The following SYK variants were observed in gnomAD, a reference collection of about 807,000 sequenced individuals.
The protein encoded by SYK is tyrosine-protein kinase SYK.
Under a neutral mutation model 77.8 loss-of-function variants are expected in SYK, and 16 were observed. The ratio of observed to expected loss-of-function variants is 0.21; its 90% confidence interval spans 0.14 to 0.31. The LOEUF (loss-of-function observed/expected upper bound fraction) is 0.31, where lower values mean the gene tolerates loss of function less well. Among genes scored for constraint, SYK ranks in the 10% least tolerant of loss-of-function variants. SYK has a pLI of 1.00. For synonymous variants in SYK, 312 were observed against 308.7 expected (o/e 1.01, Z -0.11); for missense variants, 529 against 814.4 (o/e 0.65, Z 4.26).
chr9:90,867,595 T>C (rs1234394552), intron 7 of SYK, among the ~76,000 whole-genome samples: 4 of 152,224 alleles, frequency 2.6e-5, no homozygotes, highest in Non-Finnish European at 4.4e-5. Flanking sequence ...GTAAGTTACG[T>C]TGTGATGGAG....
chr9:90,853,941 A>G (rs1319489946), intron 3 of SYK, among the ~76,000 whole-genome samples: 1 of 152,230 alleles, frequency 6.6e-6, no homozygotes, highest in Non-Finnish European at 1.5e-5. Context: ...ACGGGGTAGC[A>G]TGGGTATGGT....
At chr9:90,863,830 A>G (rs567543779) in intron 4 of SYK, among the ~76,000 whole-genome samples, 1 of 152,294 alleles carries the variant, frequency 6.6e-6, no homozygotes, top group African/African-American at 2.4e-5. Flanking sequence ...CTGAAAGGGC[A>G]TTTTATGTGT....
chr9:90,880,425 A>G (rs1221782813), intron 11 of SYK, among the ~76,000 whole-genome samples: 1 of 152,194 alleles, frequency 6.6e-6, no homozygotes, highest in Non-Finnish European at 1.5e-5. Flanking sequence ...TCAGAGGTGA[A>G]CCACTGTGAG....
intron 11 of SYK, among the ~76,000 whole-genome samples, chr9:90,887,465 G>A (rs1828622857): frequency 6.8e-6 from 1 of 146,216 alleles, no homozygotes; most frequent in Admixed American, 7.0e-5. Context: ...CAGTGCAGTG[G>A]TGTGATCTGA....
chr9:90,823,598 T>G (rs1825585175), intron 1 of SYK, among the ~76,000 whole-genome samples: 1 of 152,188 alleles, frequency 6.6e-6, no homozygotes, highest in South Asian at 2.1e-4. Context: ...ATGGAGGTTT[T>G]GGGAAATTTC....
chr9:90,837,319 G>A (rs116835946), intron 1 of SYK, among the ~76,000 whole-genome samples: 2 of 152,218 alleles, frequency 1.3e-5, no homozygotes, highest in African/African-American at 4.8e-5. Flanking sequence ...GACCTTTGGG[G>A]CTCACATTTT....
intron 1 of SYK, among the ~76,000 whole-genome samples, chr9:90,837,132 AG>A (rs1475243183): frequency 6.6e-6 from 1 of 152,126 alleles, no homozygotes; most frequent in East Asian, 1.9e-4. Context: ...GGGAGTCAAA[AG>A]TTACACATGA....
At chr9:90,851,078 CA>C (rs1426668562) in intron 3 of SYK, among the ~76,000 whole-genome samples, 1 of 152,148 alleles carries the variant, frequency 6.6e-6, no homozygotes, top group Non-Finnish European at 1.5e-5. Context: ...TATTGTTTTT[CA>C]AACAAGAACT....
intron 3 of SYK, among the ~76,000 whole-genome samples, chr9:90,855,806 T>A (rs1346310712): frequency 6.6e-6 from 1 of 151,920 alleles, no homozygotes; most frequent in East Asian, 1.9e-4. Context: ...AATTCACAGG[T>A]CTGTGTAAGG....
At chr9:90,855,062 A>G (rs975570965) in intron 3 of SYK, among the ~76,000 whole-genome samples, 1 of 146,552 alleles carries the variant, frequency 6.8e-6, no homozygotes, top group African/African-American at 2.5e-5. Context: ...GCTGCATATC[A>G]TCTCCTGTGG....
chr9:90,818,533 G>A (rs529508048), intron 1 of SYK, among the ~76,000 whole-genome samples: 5 of 152,280 alleles, frequency 3.3e-5, no homozygotes, highest in East Asian at 1.9e-4. Context: ...ACTTGTTTAC[G>A]GTCAGATCGT....
intron 3 of SYK, among the ~76,000 whole-genome samples, chr9:90,848,906 G>A (rs1029022938): frequency 6.6e-6 from 1 of 152,232 alleles, no homozygotes; most frequent in African/African-American, 2.4e-5. Context: ...ACCTTGCTGT[G>A]AGGGAGGCCA....
rs550792894 is a variant in SYK at position 90,803,853 on chromosome 9, A to G, written c.-42+1960A>G. Among the ~76,000 whole-genome samples the G allele has an allele frequency of 2.0e-5, 3 of 152,336 alleles. No individual in the cohort carries two copies. The South Asian group carries it at 6.2e-4, about 32-fold the overall frequency. The stretch of plus-strand genomic sequence containing the variant: ...ACCCTGCTGGTTACATGCCATTCCA[A>G]TATAGTCTGGAGAGAATCCTGTAAT... On this transcript the variant is annotated intron_variant, in intron 1 of 13. Coordinates refer to ENST00000375754, the MANE Select transcript of SYK (RefSeq NM_003177.7).
At chr9:90,821,676 AT>A (rs1825523238) in intron 1 of SYK, among the ~76,000 whole-genome samples, 1 of 152,216 alleles carries the variant, frequency 6.6e-6, no homozygotes, top group Non-Finnish European at 1.5e-5. Context: ...AGCCACATGC[AT>A]ATTCCAGACG....
At position 90,865,016 on chromosome 9, in the gene SYK, G is replaced by C. The variant is rs775838323; in HGVS notation, c.797-32G>C. 5.0e-6 allele frequency: 8 copies of C among 1,611,194 alleles called. No individual in the cohort carries two copies. In the South Asian group the frequency reaches 6.6e-5, roughly 13 times the overall value. ...GGGAAGGAAGTGGTTTCCTCAGATA[G>C]AGCAGTAATTGTCCATGCTCTCTCT... On this transcript the variant is annotated intron_variant, in intron 5 of 13. Coordinates refer to ENST00000375754, the MANE Select transcript of SYK (RefSeq NM_003177.7).
intron 3 of SYK, among the ~76,000 whole-genome samples, chr9:90,855,868 G>C (rs72729064): frequency 0.19 from 29,581 of 152,094 alleles, 3,471 homozygotes; most frequent in Middle Eastern, 0.34. Flanking sequence ...GATGCTGCTG[G>C]TCTGGGGATA....
rs568746046 is a variant in SYK at position 90,861,044 on chromosome 9, C to G, written c.579-1162C>G. Among the ~76,000 whole-genome samples, 3 of 152,250 alleles carry G rather than the reference C, an allele frequency of 2.0e-5. No individual in the cohort carries two copies. The South Asian group carries it at 6.2e-4, about 32-fold the overall frequency. ...GGGACTTCATGACTCACCCTCAGAA[C>G]CTAAGATCTCATGAACCAAAGGGCT... On this transcript the variant is annotated intron_variant, in intron 3 of 13. Transcript: ENST00000375754.
At chr9:90,888,494 T>C (rs1828661642) in intron 12 of SYK, 21 bp from the exon 13 acceptor site, 4 of 1,546,416 alleles carry the variant, frequency 2.6e-6, no homozygotes, top group African/African-American at 1.4e-5. Flanking sequence ...AAAAAGCTTA[T>C]GCATATCTTG....
At position 90,897,832 on chromosome 9, in the gene SYK, C is replaced by T. The variant is rs1281306729; in HGVS notation, c.*2232C>T. 9.0e-6 allele frequency: 2 copies of T among 223,284 alleles called. No individual in the cohort carries two copies. Among genetic ancestry groups the T allele is most frequent in the Admixed American group, 5.7e-5 (1 of 17,428 alleles). 13.8% of individuals were successfully genotyped at this position (223,284 alleles called of 1,614,324 possible). On this transcript the variant is annotated 3_prime_UTR_variant, in exon 14 of 14. Coordinates refer to ENST00000375754, the MANE Select transcript of SYK (RefSeq NM_003177.7). ...CTGTGTGCAGAATTCCCACTGTGGC[C>T]AGCACGAGGAAGTCTTTTCTAGTGA...
Sources: allele counts gnomAD v4.1 joint callset (sites outside exome capture counted in the v4.1 genomes callset), GRCh38; gene constraint gnomAD v4.1.1; transcripts MANE v1.5; gene names NCBI Gene and HGNC (gene_info 2026-07-23, HGNC 2026-07-21).